COL5A2: variants seen among roughly 807,000 people sequenced by gnomAD.
COL5A2 encodes collagen type V alpha 2 chain.
Under a neutral mutation model 208.2 loss-of-function variants are expected in COL5A2, and 23 were observed. That is an observed-to-expected ratio of 0.11 (90% CI 0.08 to 0.16). The LOEUF is 0.16. Ranked by LOEUF, COL5A2 falls within the 10% of genes least tolerant of loss-of-function variation. COL5A2 has a pLI of 1.00. For missense variants in COL5A2, 1,590 were observed against 1,956.4 expected (o/e 0.81, Z 3.53); for synonymous variants, 625 against 628.5 (o/e 0.99, Z 0.08).
At chr2:189,303,048 T>C in the COL5A2 span, among the ~76,000 whole-genome samples, 1 of 152,134 alleles carries the variant, frequency 6.6e-6, no homozygotes, top group Admixed American at 6.6e-5. Context: ...TTTCTATCCA[T>C]GAAATTCCGA....
At chr2:189,427,659 T>C in the COL5A2 span, among the ~76,000 whole-genome samples, 3 of 152,200 alleles carry the variant, frequency 2.0e-5, no homozygotes. Flanking sequence ...GGGACAGAGC[T>C]TCCCAAGGCT....
At chr2:189,069,727 C>T (rs1686229465) in intron 18 of COL5A2, among the ~76,000 whole-genome samples, 1 of 152,158 alleles carries the variant, frequency 6.6e-6, no homozygotes, top group Non-Finnish European at 1.5e-5. Context: ...TTCATACCAT[C>T]ATTACAGAAC....
the COL5A2 span, among the ~76,000 whole-genome samples, chr2:189,246,222 G>A: frequency 1.4e-4 from 22 of 151,780 alleles, no homozygotes; most frequent in Middle Eastern, 3.4e-3. Flanking sequence ...ATTATGACAC[G>A]TTACACATTA....
At chr2:189,041,064 T>C (rs979198639) in intron 50 of COL5A2, among the ~76,000 whole-genome samples, 1 of 152,210 alleles carries the variant, frequency 6.6e-6, no homozygotes, top group Admixed American at 6.5e-5. Context: ...TGTATGAAGA[T>C]GTTTCCCAGA....
At chr2:189,427,634 C>T in the COL5A2 span, among the ~76,000 whole-genome samples, 4 of 152,222 alleles carry the variant, frequency 2.6e-5, no homozygotes, top group Admixed American at 1.3e-4. Context: ...AGTGGGTGAA[C>T]CCTGCAAAGC....
At chr2:189,325,589 G>A in the COL5A2 span, among the ~76,000 whole-genome samples, 1 of 151,942 alleles carries the variant, frequency 6.6e-6, no homozygotes, top group Non-Finnish European at 1.5e-5. Context: ...GTTTGTGTGT[G>A]TAATCTGCAG....
chr2:189,293,981 G>C, the COL5A2 span, among the ~76,000 whole-genome samples: 1 of 152,076 alleles, frequency 6.6e-6, no homozygotes, highest in Non-Finnish European at 1.5e-5. Context: ...CCAGCTACTG[G>C]TGAGGCTGAA....
chr2:189,427,248 C>A, the COL5A2 span, among the ~76,000 whole-genome samples: 1 of 152,234 alleles, frequency 6.6e-6, no homozygotes, highest in African/African-American at 2.4e-5. Context: ...ACACCTCAGG[C>A]TATTGCTTCA....
chr2:189,220,739 A>G (rs1439830225), intron 1 of COL5A2, among the ~76,000 whole-genome samples: 2 of 152,226 alleles, frequency 1.3e-5, no homozygotes, highest in African/African-American at 4.8e-5. Context: ...TAAAATTAAA[A>G]GCCCAAAACA....
At position 189,039,193 on chromosome 2, in the gene COL5A2, G is replaced by A. The variant is rs1478866320; in HGVS notation, c.3925+79C>T. 9 of 1,512,142 alleles carry A rather than the reference G, an allele frequency of 6.0e-6. No homozygotes were observed. The Admixed American group carries it at 1.5e-4, about 25-fold the overall frequency. The allele number at this position is 1,512,142 out of a possible 1,614,324, so 93.7% of individuals were successfully genotyped here. The stretch of plus-strand genomic sequence containing the variant: ...AAATCTATCACTAAGTAGAAAGTCA[G>A]TAACATATTTTGGAATGCAGTTGAG... On this transcript the variant is annotated intron_variant, in intron 51 of 53. Transcript: ENST00000374866.
chr2:189,287,545 T>C, the COL5A2 span, among the ~76,000 whole-genome samples: 1 of 152,148 alleles, frequency 6.6e-6, no homozygotes, highest in East Asian at 1.9e-4. Context: ...TGTCTATCAC[T>C]TCCTTTAAGA....
chr2:189,238,688 C>G, the COL5A2 span, among the ~76,000 whole-genome samples: 2 of 152,054 alleles, frequency 1.3e-5, no homozygotes, highest in Non-Finnish European at 2.9e-5. Flanking sequence ...ACCTTCTTCA[C>G]CAGGTGGCAG....
chr2:189,104,901 GT>G (rs1687120889), intron 2 of COL5A2, among the ~76,000 whole-genome samples: 1 of 151,652 alleles, frequency 6.6e-6, no homozygotes, highest in Non-Finnish European at 1.5e-5. Flanking sequence ...TCAGTATATA[GT>G]TTCTTTATTG....
At chr2:189,346,155 A>G in the COL5A2 span, among the ~76,000 whole-genome samples, 1 of 152,212 alleles carries the variant, frequency 6.6e-6, no homozygotes, top group South Asian at 2.1e-4. Flanking sequence ...AATCATGAGC[A>G]ACTATAGGCC....
At chr2:189,258,618 A>G in the COL5A2 span, among the ~76,000 whole-genome samples, 472 of 152,314 alleles carry the variant, frequency 3.1e-3, 4 homozygotes, top group African/African-American at 9.4e-3. Flanking sequence ...CCTGTCCTCA[A>G]AATGAAAGAT....
chr2:189,386,518 G>T, the COL5A2 span, among the ~76,000 whole-genome samples: 1 of 152,046 alleles, frequency 6.6e-6, no homozygotes, highest in Non-Finnish European at 1.5e-5. Flanking sequence ...CACAGCAAAA[G>T]AAATTATCAA....
chr2:189,069,655 T>C (rs889737392), intron 18 of COL5A2, among the ~76,000 whole-genome samples: 1 of 152,230 alleles, frequency 6.6e-6, no homozygotes, highest in Non-Finnish European at 1.5e-5. Context: ...TAAAATGTGC[T>C]GCAAGATTAG....
Position 189,110,214 on chromosome 2 carries a change from A to C in COL5A2, c.322+11T>G. The C allele has an allele frequency of 6.3e-7, 1 of 1,588,122 alleles. No individual in the cohort carries two copies. Among genetic ancestry groups the C allele is most frequent in the East Asian group, 2.2e-5 (1 of 44,756 alleles). ...CTGGATCAATTATGAGTTGGCCCTAAACATTCTTACCAAAATTGGTATTGC... is the reference window on the plus strand; with the variant it reads ...CTGGATCAATTATGAGTTGGCCCTACACATTCTTACCAAAATTGGTATTGC... On this transcript the variant is annotated intron_variant, in intron 2 of 53. Coordinates refer to ENST00000374866, the MANE Select transcript of COL5A2 (RefSeq NM_000393.5).
chr2:189,140,515 T>C (rs953038482), intron 1 of COL5A2, among the ~76,000 whole-genome samples: 1 of 152,268 alleles, frequency 6.6e-6, no homozygotes, highest in Non-Finnish European at 1.5e-5. Flanking sequence ...ACAAAGCTTA[T>C]AATAAAAATA....
Sources: allele counts gnomAD v4.1 joint callset (sites outside exome capture counted in the v4.1 genomes callset), GRCh38; gene constraint gnomAD v4.1.1; transcripts MANE v1.5; gene names NCBI Gene and HGNC (gene_info 2026-07-23, HGNC 2026-07-21).